The following VSTM5 variants were observed in gnomAD, a reference collection of about 807,000 sequenced individuals.
The protein encoded by VSTM5 is V-set and transmembrane domain containing 5.
In VSTM5, 21 loss-of-function variants were observed where a neutral mutation model predicts 20.3. That is an observed-to-expected ratio of 1.03 (90% CI 0.73 to 1.49). VSTM5 has a LOEUF of 1.49. Among genes scored for constraint, VSTM5 ranks in the 40% most tolerant of loss-of-function variants. The probability of loss-of-function intolerance (pLI) is 0.00; values close to 1 mark genes in which losing one functional copy is unlikely to be tolerated. For synonymous variants in VSTM5, 100 were observed against 102.5 expected, an observed-to-expected ratio of 0.98 and a Z score of 0.14; for missense variants, 219 against 250.0, an observed-to-expected ratio of 0.88 and a Z score of 0.84.
intron 1 of VSTM5, among the ~76,000 whole-genome samples, chr11:93,838,555 G>GCCGA (rs925588344): frequency 1.3e-5 from 2 of 151,774 alleles, no homozygotes; most frequent in Non-Finnish European, 2.9e-5. Flanking sequence ...ACTTTGGGAG[G>GCCGA]CCGAGGTGGG....
At chr11:93,833,510 G>A (rs911311972) in intron 1 of VSTM5, among the ~76,000 whole-genome samples, 5 of 152,196 alleles carry the variant, frequency 3.3e-5, no homozygotes, top group African/African-American at 9.6e-5. Flanking sequence ...AGCTCAGGAG[G>A]CAGAGGTTGC....
intron 1 of VSTM5, among the ~76,000 whole-genome samples, chr11:93,822,588 T>C (rs1429356778): frequency 6.6e-6 from 1 of 152,098 alleles, no homozygotes; most frequent in Non-Finnish European, 1.5e-5. Flanking sequence ...GTTCCAGTGA[T>C]TCTTGTGTCT....
chr11:93,822,978 G>A (rs1944202463), intron 1 of VSTM5, among the ~76,000 whole-genome samples: 1 of 152,106 alleles, frequency 6.6e-6, no homozygotes, highest in South Asian at 2.1e-4. Flanking sequence ...GGTGGTCAAG[G>A]TTACTAACAG....
intron 1 of VSTM5, among the ~76,000 whole-genome samples, chr11:93,844,958 A>G (rs1944402543): frequency 1.4e-5 from 1 of 73,890 alleles, no homozygotes; most frequent in Non-Finnish European, 2.9e-5. Context: ...CCTTGTGGGA[A>G]AGTATTTTCA....
chr11:93,824,345 G>A (rs1944215582), intron 1 of VSTM5, among the ~76,000 whole-genome samples: 1 of 151,910 alleles, frequency 6.6e-6, no homozygotes, highest in Non-Finnish European at 1.5e-5. Context: ...TTGTCTTTTT[G>A]ATAATAGCCA....
At chr11:93,831,066 G>GT (rs1247677182) in intron 1 of VSTM5, among the ~76,000 whole-genome samples, 1 of 151,710 alleles carries the variant, frequency 6.6e-6, no homozygotes. Flanking sequence ...GTAGTTTTTT[G>GT]TTTTTTGTTT....
intron 1 of VSTM5, among the ~76,000 whole-genome samples, chr11:93,822,873 T>C (rs1028261791): frequency 6.6e-6 from 1 of 152,226 alleles, no homozygotes; most frequent in African/African-American, 2.4e-5. Context: ...GTTGCACTAG[T>C]GATTACTGCT....
At chr11:93,837,109 G>T (rs1441254386) in intron 1 of VSTM5, among the ~76,000 whole-genome samples, 1 of 151,480 alleles carries the variant, frequency 6.6e-6, no homozygotes, top group African/African-American at 2.4e-5. Flanking sequence ...TTGGCTCACT[G>T]CAACCTCCAC....
intron 1 of VSTM5, among the ~76,000 whole-genome samples, chr11:93,828,859 C>G (rs140932217): frequency 6.6e-6 from 1 of 152,028 alleles, no homozygotes; most frequent in African/African-American, 2.4e-5. Context: ...GGGTGAGTGA[C>G]GAGTGATATT....
At chr11:93,822,254 T>C (rs943877165) in intron 1 of VSTM5, among the ~76,000 whole-genome samples, 60 of 152,028 alleles carry the variant, frequency 3.9e-4, no homozygotes, top group African/African-American at 1.4e-3. Flanking sequence ...GCTAACTTTT[T>C]GTATTTTTAG....
At chr11:93,827,660 T>A (rs2135731986) in intron 1 of VSTM5, 1 of 151,994 alleles carries the variant, frequency 6.6e-6, no homozygotes, top group South Asian at 2.1e-4. Flanking sequence ...AACTGATTGT[T>A]CACAGTCAGT....
At chr11:93,830,759 C>CT (rs553124123) in intron 1 of VSTM5, among the ~76,000 whole-genome samples, 5,116 of 136,092 alleles carry the variant, frequency 0.038, 110 homozygotes, top group African/African-American at 0.047. Flanking sequence ...TCGGTTGGTT[C>CT]TTTTTTTTTT....
At chr11:93,829,322 T>C (rs1009436631) in intron 1 of VSTM5, among the ~76,000 whole-genome samples, 1 of 151,386 alleles carries the variant, frequency 6.6e-6, no homozygotes, top group Non-Finnish European at 1.5e-5. Context: ...AAGTCAGGAG[T>C]TTCAGAACAG....
chr11:93,826,475 A>G (rs1197218265), intron 1 of VSTM5, among the ~76,000 whole-genome samples: 3 of 151,454 alleles, frequency 2.0e-5, no homozygotes, highest in African/African-American at 7.3e-5. Context: ...TCAGCTCACT[A>G]CAAGCTCCAC....
intron 1 of VSTM5, among the ~76,000 whole-genome samples, chr11:93,829,278 G>C (rs528731844): frequency 6.6e-6 from 1 of 152,348 alleles, no homozygotes; most frequent in South Asian, 2.1e-4. Flanking sequence ...TGTAATCCCA[G>C]CATTTTGGGA....
intron 1 of VSTM5, chr11:93,821,609 A>G: frequency 4.8e-6 from 2 of 415,924 alleles, no homozygotes; most frequent in Non-Finnish European, 8.7e-6. Flanking sequence ...GGTGGACTAC[A>G]GAGGTTCTCT....
chr11:93,835,360 C>T (rs989193896), intron 1 of VSTM5, among the ~76,000 whole-genome samples: 1 of 152,018 alleles, frequency 6.6e-6, no homozygotes, highest in Non-Finnish European at 1.5e-5. Context: ...GAGTTTCAGG[C>T]TTCAGTGAGC....
chr11:93,827,730 C>T, intron 1 of VSTM5: 2 of 143,168 alleles, frequency 1.4e-5, no homozygotes, highest in East Asian at 2.0e-4. Context: ...ATTGAGTAGT[C>T]TTAAAAAAAA....
At chr11:93,842,928 C>T (rs1351899139) in intron 1 of VSTM5, among the ~76,000 whole-genome samples, 1 of 151,880 alleles carries the variant, frequency 6.6e-6, no homozygotes, top group Non-Finnish European at 1.5e-5. Flanking sequence ...ATGGTGAAAC[C>T]AAAAATACAA....
Sources: gnomAD v4.1 joint callset for allele counts (sites outside exome capture counted in the v4.1 genomes callset) on GRCh38, gnomAD v4.1.1 for gene constraint, MANE v1.5 for transcripts, NCBI Gene and HGNC (gene_info 2026-07-23, HGNC 2026-07-21) for gene names.